The following SUGP2 variants were observed in gnomAD, a reference collection of about 807,000 sequenced individuals.
SUGP2 encodes SURP and G-patch domain-containing protein 2.
SUGP2 carries 24 observed loss-of-function variants against 90.5 expected under a neutral mutation model. The observed-to-expected ratio is 0.27, with a 90% CI of 0.19 to 0.37. The LOEUF (loss-of-function observed/expected upper bound fraction) is 0.37, where lower values mean the gene tolerates loss of function less well. Among genes scored for constraint, SUGP2 ranks in the 10% least tolerant of loss-of-function variants. The probability of loss-of-function intolerance (pLI) is 1.00; values close to 1 mark genes in which losing one functional copy is unlikely to be tolerated. For synonymous variants in SUGP2, 473 were observed against 513.4 expected, an observed-to-expected ratio of 0.92 and a Z score of 1.06; for missense variants, 1,233 against 1,363.3, an observed-to-expected ratio of 0.90 and a Z score of 1.51.
chr19:19,000,947 T>C (rs1281709373), intron 8 of SUGP2, among the ~76,000 whole-genome samples: 2 of 152,014 alleles, frequency 1.3e-5, no homozygotes, highest in Non-Finnish European at 2.9e-5. Context: ...TCAAGCGATC[T>C]GCCCACTTTG....
chr19:19,008,541 T>C (rs2058177161), intron 5 of SUGP2, 113 bp from the exon 6 acceptor site: 3 of 836,748 alleles, frequency 3.6e-6, no homozygotes, highest in Non-Finnish European at 6.2e-6. Flanking sequence ...CCCCTCCCTG[T>C]AGCCTTGCCC....
In SUGP2 at chr19:19,019,146, T is replaced by C. The variant is rs1417486749; in HGVS notation, c.1813A>G (p.Lys605Glu). ...KRVIEGSLSP[K>E]ERTLLKEDPA... ...TCCTCTTTGAGAAGAGTTCTCTCTT[T>C]GGGAGACAGGCTGCCTTCGATGACA... is the stretch of plus-strand genomic sequence containing the variant. Residue 605 changes from lysine (K) to glutamate (E), a missense_variant, in exon 4 of 11, where the codon AAA becomes GAA. Lys to Glu is a moderately conservative substitution (Grantham distance 56). Coordinates refer to ENST00000452918, the MANE Select transcript of SUGP2 (RefSeq NM_001017392.5). 1 of 1,614,026 alleles carries C rather than the reference T, an allele frequency of 6.2e-7. No individual in the cohort carries two copies. The highest frequency in any genetic ancestry group is 1.3e-5 in the African/African-American group (1 of 74,946).
intron 8 of SUGP2, among the ~76,000 whole-genome samples, chr19:18,998,279 A>C (rs556117499): frequency 3.5e-4 from 54 of 152,318 alleles, no homozygotes; most frequent in Non-Finnish European, 6.2e-4. Flanking sequence ...ATGCACGTGA[A>C]TAAATATGTA....
At chr19:19,020,039 C>T (rs1305963958) in intron 3 of SUGP2, among the ~76,000 whole-genome samples, 5 of 131,500 alleles carry the variant, frequency 3.8e-5, no homozygotes, top group South Asian at 4.9e-4. Context: ...TGGGATAGAG[C>T]GAGACTCCAT....
intron 8 of SUGP2, among the ~76,000 whole-genome samples, chr19:18,997,091 T>C (rs1306708121): frequency 1.3e-5 from 2 of 151,972 alleles, no homozygotes; most frequent in Non-Finnish European, 2.9e-5. Flanking sequence ...TCAGCCCTCA[T>C]CAGCTTAGCA....
At chr19:19,017,443 A>G (rs77154191) in intron 4 of SUGP2, among the ~76,000 whole-genome samples, 3,136 of 152,328 alleles carry the variant, frequency 0.021, 105 homozygotes, top group African/African-American at 0.072. Context: ...TGTCCAGGAC[A>G]GCTCCAACCC....
chr19:19,032,771 G>C (rs983347585), intron 1 of SUGP2, among the ~76,000 whole-genome samples: 1 of 152,144 alleles, frequency 6.6e-6, no homozygotes, highest in African/African-American at 2.4e-5. Flanking sequence ...CCCGAAGAAT[G>C]AGTAAAAAGA....
chr19:19,010,267 C>G lies in SUGP2; in HGVS notation c.1926G>C (p.Glu642Asp). 6.2e-7 allele frequency: 1 copy of G among 1,614,118 alleles called. No individual in the cohort carries two copies. The highest frequency in any genetic ancestry group is 8.5e-7 in the Non-Finnish European group (1 of 1,180,048). Reference sequence around the variant, plus strand: ...GCTTCTGGTCGGCTCCTCGCAAGTTCTCGCTCATCCGCTGCATTTCTGCCA... The same window carrying G: ...GCTTCTGGTCGGCTCCTCGCAAGTTGTCGCTCATCCGCTGCATTTCTGCCA... ...LKLAEMQRMS[E>D]NLRGADQKPT... The change falls in exon 5 of 11, where the codon GAG (glutamate) becomes GAC (aspartate). Residue 642 changes from glutamate to aspartate, a missense_variant. By Grantham distance (45) the Glu-to-Asp change is conservative. Transcript: ENST00000452918.
intron 4 of SUGP2, among the ~76,000 whole-genome samples, chr19:19,018,275 T>C (rs111245847): frequency 1.3e-5 from 2 of 152,044 alleles, no homozygotes; most frequent in African/African-American, 4.8e-5. Context: ...GAGGTTGCAG[T>C]AAGCCAAGAT....
intron 2 of SUGP2, among the ~76,000 whole-genome samples, chr19:19,026,549 G>A (rs1038869505): frequency 2.6e-5 from 4 of 152,138 alleles, no homozygotes; most frequent in Non-Finnish European, 5.9e-5. Flanking sequence ...AACAGCCCTC[G>A]CTCATTCAGA....
intron 2 of SUGP2, among the ~76,000 whole-genome samples, chr19:19,030,058 T>TA (rs1219479932): frequency 5.3e-5 from 8 of 151,856 alleles, no homozygotes; most frequent in African/African-American, 1.7e-4. Context: ...CTCACGCCTG[T>TA]AATCGCAACA....
At chr19:19,013,571 T>C (rs1196709076) in intron 4 of SUGP2, among the ~76,000 whole-genome samples, 2 of 152,222 alleles carry the variant, frequency 1.3e-5, no homozygotes, top group East Asian at 3.8e-4. Flanking sequence ...CCTGCACACC[T>C]ACCTCCCTCC....
At position 19,026,137 on chromosome 19, in the gene SUGP2, G is replaced by T. The variant is rs1385667168; in HGVS notation, c.211C>A (p.His71Asn). Residue 71 changes from histidine (H) to asparagine (N), a missense_variant, in exon 3 of 11, where the codon CAC becomes AAC. His to Asn is a moderately conservative substitution (Grantham distance 68). Coordinates refer to ENST00000452918, the MANE Select transcript of SUGP2 (RefSeq NM_001017392.5). The stretch of plus-strand genomic sequence containing the variant: ...CCTTCTCTTCCGGCATCTCTAGAGT[G>T]AGCTACAGATCCACTGAGGGAGTAT... ...GRYSLSGSVA[H>N]SRDAGREGLR... 6.2e-7 allele frequency: 1 copy of T among 1,613,836 alleles called. No individual in the cohort carries two copies. The highest frequency in any genetic ancestry group is 8.5e-7 in the Non-Finnish European group (1 of 1,179,996).
At chr19:19,030,400 G>T (rs2145765147) in intron 2 of SUGP2, among the ~76,000 whole-genome samples, 1 of 152,254 alleles carries the variant, frequency 6.6e-6, no homozygotes, top group African/African-American at 2.4e-5. Context: ...TGAGGCAGGA[G>T]AATCGCTTGA....
At chr19:18,994,797 G>A (rs1256383775) in intron 9 of SUGP2, 1 of 527,096 alleles carries the variant, frequency 1.9e-6, no homozygotes, top group Admixed American at 3.4e-5. Flanking sequence ...CTTTGGGCCT[G>A]TGTTCGGGAC....
chr19:19,032,511 G>C (rs2059213043), intron 1 of SUGP2, among the ~76,000 whole-genome samples: 1 of 152,096 alleles, frequency 6.6e-6, no homozygotes, highest in Admixed American at 6.6e-5. Context: ...GAGGCTCTGA[G>C]AACTTCCTTC....
chr19:19,011,828 C>T (rs2058324617), intron 4 of SUGP2, among the ~76,000 whole-genome samples: 1 of 152,150 alleles, frequency 6.6e-6, no homozygotes, highest in Non-Finnish European at 1.5e-5. Context: ...GAAACCCCAT[C>T]TCTTTAAAAA....
intron 3 of SUGP2, among the ~76,000 whole-genome samples, chr19:19,023,375 G>A (rs1203163504): frequency 2.6e-5 from 4 of 152,064 alleles, no homozygotes. Flanking sequence ...GGAGTGCGGT[G>A]GCTATTCACA....
At chr19:19,021,154 C>A in intron 3 of SUGP2, among the ~76,000 whole-genome samples, 1 of 68,012 alleles carries the variant, frequency 1.5e-5, no homozygotes, top group African/African-American at 7.3e-5. Context: ...AGCAAAATTC[C>A]ATCTCAAAAA....
Sources: gnomAD v4.1 joint callset for allele counts (sites outside exome capture counted in the v4.1 genomes callset) on GRCh38, gnomAD v4.1.1 for gene constraint, MANE v1.5 for transcripts, NCBI Gene and HGNC (gene_info 2026-07-23, HGNC 2026-07-21) for gene names.